FBN2: variants seen among roughly 807,000 people sequenced by gnomAD.
FBN2 encodes fibrillin 2.
FBN2 carries 105 observed loss-of-function variants against 355.6 expected under a neutral mutation model. The observed-to-expected ratio is 0.30, with a 90% CI of 0.25 to 0.35. The LOEUF (loss-of-function observed/expected upper bound fraction) is 0.35. FBN2 is among the 10% of genes least tolerant of loss of function. The pLI, the probability that FBN2 is intolerant of heterozygous loss-of-function variation, is 1.00. For synonymous variants in FBN2, 1,350 were observed against 1,301.2 expected (o/e 1.04, Z -0.81); for missense variants, 3,280 against 3,758.7 (o/e 0.87, Z 3.33).
chr5:128,381,733 A>G (rs1752239627), intron 11 of FBN2, among the ~76,000 whole-genome samples: 1 of 152,092 alleles, frequency 6.6e-6, no homozygotes, highest in South Asian at 2.1e-4. Flanking sequence ...AGGTATATCT[A>G]TCACTTAAAG....
chr5:128,290,729 T>C lies in FBN2; in HGVS notation c.6445+3A>G. On this transcript the variant is annotated splice_donor_region_variant and intron_variant, in intron 50 of 64. Coordinates refer to ENST00000262464, the MANE Select transcript of FBN2 (RefSeq NM_001999.4). ...TGCTGTCTGATGATGTCATTGCTCT[T>C]ACCTTCATCGTCTTTGGGGCACAGC... The C allele has an allele frequency of 6.2e-7, 1 of 1,614,144 alleles. No homozygotes were observed. Among genetic ancestry groups the C allele is most frequent in the Non-Finnish European group, 8.5e-7 (1 of 1,179,950 alleles).
At chr5:128,452,403 T>C (rs1365629031) in intron 6 of FBN2, among the ~76,000 whole-genome samples, 1 of 152,230 alleles carries the variant, frequency 6.6e-6, no homozygotes, top group African/African-American at 2.4e-5. Context: ...TCTATTAAGG[T>C]TAAAAATAAT....
chr5:128,271,996 C>A lies in FBN2; in HGVS notation c.7960+3G>T. ...AAGTGCGATGGAAGAAAAGAGCACT[C>A]ACCGACACACTGATTCCACTGGTAG... On this transcript the variant is annotated splice_donor_region_variant and intron_variant, in intron 62 of 64. Transcript: ENST00000262464. 6.2e-7 allele frequency: 1 copy of A among 1,613,818 alleles called. No homozygotes were observed. Among genetic ancestry groups the A allele is most frequent in the Non-Finnish European group, 8.5e-7 (1 of 1,179,824 alleles).
rs2126920826 is a variant in FBN2, at chr5:128,350,015, C to T, written c.2813-10G>A. 6.2e-7 allele frequency: 1 copy of T among 1,611,492 alleles called. No homozygotes were observed. Among genetic ancestry groups the T allele is most frequent in the Non-Finnish European group, 8.5e-7 (1 of 1,177,584 alleles). ...CTTGGGCAAGCTGTATCTGTAACAA[C>T]AACAGGACAAATTTTACTTCATTAT... On this transcript the variant is annotated splice_polypyrimidine_tract_variant and intron_variant, in intron 21 of 64. Transcript: ENST00000262464.
intron 58 of FBN2, among the ~76,000 whole-genome samples, chr5:128,277,509 GACAA>G (rs1194252751): frequency 1.3e-5 from 2 of 152,140 alleles, no homozygotes; most frequent in Admixed American, 6.5e-5. Context: ...GTCAAAGAGT[GACAA>G]ACAAATGTGC....
At chr5:128,465,684 C>G (rs771111969) in intron 5 of FBN2, among the ~76,000 whole-genome samples, 6 of 152,184 alleles carry the variant, frequency 3.9e-5, no homozygotes, top group Non-Finnish European at 8.8e-5. Context: ...TATGATCGCT[C>G]CTCTCTAGCA....
chr5:128,316,791 T>G (rs922505415), intron 36 of FBN2, among the ~76,000 whole-genome samples: 5 of 152,220 alleles, frequency 3.3e-5, no homozygotes, highest in Admixed American at 1.3e-4. Context: ...TTTTTAATGT[T>G]TAGACTATTC....
intron 47 of FBN2, 104 bp from the exon 48 acceptor site, chr5:128,301,040 C>G (rs766005449): frequency 9.8e-7 from 1 of 1,018,914 alleles, no homozygotes; most frequent in Non-Finnish European, 1.5e-6. Flanking sequence ...CTCGGGTCCT[C>G]TGATCTACTG....
In FBN2 at chr5:128,259,605, G is replaced by A. The variant is rs886038784; in HGVS notation, c.8589C>T (p.Leu2863=). The A allele has an allele frequency of 6.2e-7, 1 of 1,614,076 alleles. No homozygotes were observed. Among genetic ancestry groups the A allele is most frequent in the Non-Finnish European group, 8.5e-7 (1 of 1,180,018 alleles). The change falls in exon 65 of 65, where the codon CTC becomes CTT. Residue 2863 remains leucine, a synonymous_variant. Transcript: ENST00000262464. ...TTTCCAGTGTGTATGTGCCGGGCATGAGCTTCTTCTTGGCCGTGTGCAAGT... is the reference window on the plus strand; with the variant it reads ...TTTCCAGTGTGTATGTGCCGGGCATAAGCTTCTTCTTGGCCGTGTGCAAGT... ...LSYLHTAKKK[L]MPGTYTLEIT...
At chr5:128,376,683 A>C in intron 14 of FBN2, 48 bp downstream of exon 14, 1 of 1,607,532 alleles carries the variant, frequency 6.2e-7, no homozygotes, top group South Asian at 1.1e-5. Context: ...TCAAATAAAA[A>C]AGGTGGTTTC....
At chr5:128,273,628 C>T (rs1031542583) in intron 61 of FBN2, among the ~76,000 whole-genome samples, 1 of 152,156 alleles carries the variant, frequency 6.6e-6, no homozygotes, top group African/African-American at 2.4e-5. Flanking sequence ...AAAGTCAATT[C>T]GTAATCACAG....
intron 60 of FBN2, 149 bp downstream of exon 60, chr5:128,274,418 T>C: frequency 1.5e-6 from 1 of 659,314 alleles, no homozygotes; most frequent in South Asian, 1.8e-5. Context: ...AAAATATCTA[T>C]CTTATTAGCA....
At position 128,272,134 on chromosome 5, in the gene FBN2, C is replaced by A. The variant is rs201231807; in HGVS notation, c.7841-16G>T. The A allele has an allele frequency of 4.3e-4, 698 of 1,613,780 alleles. 5 individuals are homozygous for A. The East Asian group carries it at 0.011, about 27-fold the overall frequency. ...TCATCAACATCTGCAAAAACAAGCC[C>A]GGCAAAACCTTTATGTCACCTTTCT... On this transcript the variant is annotated splice_polypyrimidine_tract_variant and intron_variant, in intron 61 of 64. Coordinates refer to ENST00000262464, the MANE Select transcript of FBN2 (RefSeq NM_001999.4).
intron 5 of FBN2, among the ~76,000 whole-genome samples, chr5:128,493,559 C>T (rs1755568330): frequency 6.6e-6 from 1 of 152,222 alleles, no homozygotes; most frequent in Non-Finnish European, 1.5e-5. Context: ...TATAATCCTT[C>T]ATAAAGGGCC....
At chr5:128,339,243 A>AAACTGCCAT in intron 25 of FBN2, 182 bp from the exon 26 acceptor site, 1 of 607,608 alleles carries the variant, frequency 1.6e-6, no homozygotes, top group South Asian at 1.8e-5. Context: ...CCAACTGCCA[A>AAACTGCCAT]AACTGCCATG....
chr5:128,501,602 C>T (rs969971320), intron 5 of FBN2, among the ~76,000 whole-genome samples: 1 of 152,018 alleles, frequency 6.6e-6, no homozygotes, highest in Non-Finnish European at 1.5e-5. Context: ...GAAAATTATG[C>T]ATGATTTCTT....
chr5:128,392,487 C>T lies in FBN2; in HGVS notation c.1466-332G>A, dbSNP rs553207007. On this transcript the variant is annotated intron_variant, in intron 10 of 64. Coordinates refer to ENST00000262464, the MANE Select transcript of FBN2 (RefSeq NM_001999.4). ...CAGATATAGTAAATCGGCAATATGC[C>T]AAAAAGAATAAACATAACACTGTAG... 1.8e-4 allele frequency among the ~76,000 whole-genome samples: 28 copies of T among 152,160 alleles called. No individual in the cohort carries two copies. The South Asian group carries it at 4.4e-3, about 24-fold the overall frequency.
intron 62 of FBN2, among the ~76,000 whole-genome samples, chr5:128,269,059 A>T (rs1444596724): frequency 6.6e-6 from 1 of 152,022 alleles, no homozygotes; most frequent in Admixed American, 6.6e-5. Flanking sequence ...AGGGTATTCA[A>T]ATAGGAAGAG....
intron 7 of FBN2, among the ~76,000 whole-genome samples, chr5:128,436,498 T>C (rs541104474): frequency 7.2e-5 from 11 of 152,220 alleles, no homozygotes; most frequent in Non-Finnish European, 1.6e-4. Context: ...AAATGTATCA[T>C]AAAAAGCAGA....
Sources: gnomAD v4.1 joint callset for allele counts (sites outside exome capture counted in the v4.1 genomes callset) on GRCh38, gnomAD v4.1.1 for gene constraint, MANE v1.5 for transcripts, NCBI Gene and HGNC (gene_info 2026-07-23, HGNC 2026-07-21) for gene names.